The following ROBO2 variants were observed in gnomAD, a reference collection of about 807,000 sequenced individuals.
ROBO2 encodes roundabout homolog 2.
In ROBO2, 53 loss-of-function variants were observed where a neutral mutation model predicts 160.8. The ratio of observed to expected loss-of-function variants is 0.33; its 90% CI spans 0.26 to 0.41. The LOEUF is 0.41. Among genes scored for constraint, ROBO2 ranks in the 10% least tolerant of loss-of-function variants. The probability of loss-of-function intolerance (pLI) is 1.00; values close to 1 mark genes in which losing one functional copy is unlikely to be tolerated. For missense variants in ROBO2, 1,577 were observed against 1,722.4 expected, an observed-to-expected ratio of 0.92 and a Z score of 1.49; for synonymous variants, 664 against 611.7, an observed-to-expected ratio of 1.09 and a Z score of -1.26.
intron 2 of ROBO2, among the ~76,000 whole-genome samples, chr3:76,483,880 G>A (rs1263106781): frequency 6.6e-6 from 1 of 152,220 alleles, no homozygotes; most frequent in East Asian, 1.9e-4. Flanking sequence ...CCATGTCCCT[G>A]CAAAGGACAT....
At chr3:77,410,682 TC>T (rs1297041545) in intron 2 of ROBO2, among the ~76,000 whole-genome samples, 107 of 143,170 alleles carry the variant, frequency 7.5e-4, no homozygotes, top group South Asian at 2.9e-3. Flanking sequence ...TTCCTCCTCC[TC>T]CTCTTCCTCC....
rs978949761 is a variant in ROBO2 at position 77,176,966 on chromosome 3, A to G, written c.388+78626A>G. On this transcript the variant is annotated intron_variant, in intron 2 of 25. Transcript: ENST00000461745. ...ACTTATTTACAAAGCATGTCTTCAA[A>G]TTTTTCTTTAAAGAATCTGTAGGTA... Among the ~76,000 whole-genome samples the G allele has an allele frequency of 2.6e-5, 4 of 151,934 alleles. No individual in the cohort carries two copies. In the East Asian group the frequency reaches 5.8e-4, roughly 22 times the overall value.
At chr3:77,209,610 A>T (rs1311826768) in intron 2 of ROBO2, among the ~76,000 whole-genome samples, 2 of 152,076 alleles carry the variant, frequency 1.3e-5, no homozygotes, top group Non-Finnish European at 1.5e-5. Context: ...AACCGAGGCA[A>T]ATTAATATAG....
intron 7 of ROBO2, among the ~76,000 whole-genome samples, chr3:77,547,391 A>C (rs549979023): frequency 6.6e-6 from 1 of 152,206 alleles, no homozygotes; most frequent in African/African-American, 2.4e-5. Flanking sequence ...ACATTCTGTT[A>C]TTACTACATG....
At chr3:76,177,116 G>T (rs1015227330) in intron 2 of ROBO2, among the ~76,000 whole-genome samples, 1 of 151,990 alleles carries the variant, frequency 6.6e-6, no homozygotes, top group African/African-American at 2.4e-5. Context: ...TGTACTTCTC[G>T]TTATTCTCAC....
At chr3:76,315,890 G>C (rs148878635) in intron 2 of ROBO2, among the ~76,000 whole-genome samples, 6,343 of 152,040 alleles carry the variant, frequency 0.042, 385 homozygotes, top group African/African-American at 0.13. Flanking sequence ...CCTAAGTGTC[G>C]GCCGGTCTGA....
chr3:76,613,109 T>G (rs2088271368), intron 2 of ROBO2, among the ~76,000 whole-genome samples: 1 of 152,196 alleles, frequency 6.6e-6, no homozygotes, highest in Non-Finnish European at 1.5e-5. Flanking sequence ...ATATTCAATG[T>G]CATTATTGAA....
intron 2 of ROBO2, among the ~76,000 whole-genome samples, chr3:77,357,818 G>A (rs1036840536): frequency 1.3e-5 from 2 of 152,146 alleles, no homozygotes; most frequent in Non-Finnish European, 2.9e-5. Flanking sequence ...GAAATGGAAA[G>A]TAAAGTTTAA....
chr3:77,442,857 A>G (rs1267092733), intron 2 of ROBO2, among the ~76,000 whole-genome samples: 1 of 152,204 alleles, frequency 6.6e-6, no homozygotes, highest in African/African-American at 2.4e-5. Flanking sequence ...CAAGCCTTAC[A>G]GTGCTATACA....
chr3:76,622,223 GAAGGAAGGAAGGAAGAAAGAAAGA>G (rs1414227225), intron 2 of ROBO2, among the ~76,000 whole-genome samples: 35 of 23,690 alleles, frequency 1.5e-3, no homozygotes, highest in Middle Eastern at 0.015. Flanking sequence ...AGGAAGGAAG[GAAGGAAGGAAGGAAGAAAGAAAGA>G]AAGAAAGAAA....
At chr3:77,580,217 G>C (rs990881788) in intron 16 of ROBO2, 99 bp downstream of exon 17, 3 of 1,071,456 alleles carry the variant, frequency 2.8e-6, no homozygotes, top group Non-Finnish European at 4.3e-6. Context: ...ATACACTTAT[G>C]AATGATAGGG....
At chr3:76,269,225 C>G (rs1363398807) in intron 2 of ROBO2, among the ~76,000 whole-genome samples, 1 of 152,018 alleles carries the variant, frequency 6.6e-6, no homozygotes, top group African/African-American at 2.4e-5. Flanking sequence ...ACCCCATTTA[C>G]TCTAATGTGG....
chr3:76,849,258 C>A (rs2069087979), intron 2 of ROBO2, among the ~76,000 whole-genome samples: 1 of 152,152 alleles, frequency 6.6e-6, no homozygotes, highest in East Asian at 1.9e-4. Context: ...ATCTCTAATA[C>A]ACTTAGGGGG....
chr3:76,719,659 G>T (rs111461252), intron 2 of ROBO2, among the ~76,000 whole-genome samples: 74 of 152,294 alleles, frequency 4.9e-4, no homozygotes, highest in African/African-American at 1.6e-3. Flanking sequence ...CGAGGCGGGT[G>T]GATCGCCTGA....
chr3:77,394,230 T>C (rs1336289339), intron 2 of ROBO2, among the ~76,000 whole-genome samples: 4 of 152,176 alleles, frequency 2.6e-5, no homozygotes, highest in African/African-American at 7.2e-5. Context: ...AAGAGCTTCC[T>C]TGGGGACCTT....
chr3:77,438,973 C>T (rs1209191983), intron 2 of ROBO2, among the ~76,000 whole-genome samples: 1 of 151,926 alleles, frequency 6.6e-6, no homozygotes. Context: ...TGGTCAAAGT[C>T]ATTTAAACTA....
At chr3:75,937,192 A>G (rs1317044022) in intron 1 of ROBO2, among the ~76,000 whole-genome samples, 2 of 152,130 alleles carry the variant, frequency 1.3e-5, no homozygotes, top group Non-Finnish European at 2.9e-5. Context: ...TCCAATATGT[A>G]TATTGGGAGT....
At chr3:77,110,103 G>T (rs1186360192) in intron 2 of ROBO2, among the ~76,000 whole-genome samples, 1 of 152,068 alleles carries the variant, frequency 6.6e-6, no homozygotes, top group Admixed American at 6.6e-5. Flanking sequence ...GATTTTCTCT[G>T]TACAGTTCCT....
At chr3:77,127,244 G>A (rs12107968) in intron 2 of ROBO2, among the ~76,000 whole-genome samples, 9,390 of 151,940 alleles carry the variant, frequency 0.062, 954 homozygotes, top group African/African-American at 0.21. Flanking sequence ...GTGACAGTCC[G>A]GTGCTATGCT....
Sources: gnomAD v4.1 joint callset for allele counts (sites outside exome capture counted in the v4.1 genomes callset) on GRCh38, gnomAD v4.1.1 for gene constraint, MANE v1.5 for transcripts, NCBI Gene and HGNC (gene_info 2026-07-23, HGNC 2026-07-21) for gene names.